The following ASIC2 variants were observed in gnomAD, a reference collection of about 807,000 sequenced individuals.
ASIC2 encodes acid-sensing ion channel 2.
In ASIC2, 25 loss-of-function variants were observed where a neutral mutation model predicts 57.3. The ratio of observed to expected loss-of-function variants is 0.44; its 90% CI spans 0.32 to 0.61. The LOEUF is 0.61. Among genes scored for constraint, ASIC2 ranks in the 20% least tolerant of loss-of-function variants. The pLI is 0.06. For missense variants in ASIC2, 641 were observed against 738.1 expected (o/e 0.87, Z 1.52); for synonymous variants, 319 against 307.5 (o/e 1.04, Z -0.39).
chr17:34,103,030 C>T lies in ASIC2; in HGVS notation c.555+52948G>A, dbSNP rs149180743. On this transcript the variant is annotated intron_variant, in intron 1 of 9. Transcript: ENST00000359872. ...TGTTGAGTTGAAAGAGTTCTTTACA[C>T]ATTCTGAATAGCAGTCTTCTGTCAG... Among the ~76,000 whole-genome samples the T allele has an allele frequency of 3.4e-3, 515 of 152,336 alleles. 1 individual carries two copies. The highest frequency in any genetic ancestry group is 0.02 in the South Asian group (96 of 4,832).
Position 34,128,837 on chromosome 17 carries a change from C to T in ASIC2, c.555+27141G>A, listed in dbSNP as rs193025568. 1.2e-3 allele frequency among the ~76,000 whole-genome samples: 177 copies of T among 152,230 alleles called. 1 individual carries two copies. The highest frequency in any genetic ancestry group is 3.3e-3 in the African/African-American group (136 of 41,518). On this transcript the variant is annotated intron_variant, in intron 1 of 9. Coordinates refer to the ASIC2 transcript ENST00000359872. ...TCTCGGTCTAGCTCAGCTCCAGCTGCACATCAGAGCCTCCTGGGGAGCTTT... is the reference window on the plus strand; with the variant it reads ...TCTCGGTCTAGCTCAGCTCCAGCTGTACATCAGAGCCTCCTGGGGAGCTTT...
At chr17:33,859,761 T>G (rs1914057327) in intron 1 of ASIC2, among the ~76,000 whole-genome samples, 1 of 152,194 alleles carries the variant, frequency 6.6e-6, no homozygotes, top group Non-Finnish European at 1.5e-5. Context: ...GCTCACTGCA[T>G]GCAGTCTTGA....
At chr17:33,852,679 C>T (rs1216070910) in intron 1 of ASIC2, among the ~76,000 whole-genome samples, 9 of 152,158 alleles carry the variant, frequency 5.9e-5, no homozygotes, top group Admixed American at 2.6e-4. Context: ...TTTCCCTACA[C>T]CTTGCTACCT....
intron 3 of ASIC2, among the ~76,000 whole-genome samples, chr17:33,038,586 C>G (rs73984932): frequency 0.018 from 2,682 of 152,284 alleles, 72 homozygotes; most frequent in African/African-American, 0.061. Context: ...CATCCTCCCC[C>G]ACTCTTTCTC....
chr17:33,889,249 A>T lies in ASIC2; in HGVS notation c.555+266729T>A, dbSNP rs1424508216. 2.0e-5 allele frequency among the ~76,000 whole-genome samples: 3 copies of T among 152,126 alleles called. No individual in the cohort carries two copies. In the East Asian group the frequency reaches 5.8e-4, roughly 29 times the overall value. ...GGTTCAACCCCCCCTCGTTTTTCAG[A>T]TGAAGAACCTGCAGCCCAGAGATAG... On this transcript the variant is annotated intron_variant, in intron 1 of 9. Transcript: ENST00000359872.
At chr17:33,611,079 T>G (rs1278492545) in intron 1 of ASIC2, among the ~76,000 whole-genome samples, 1 of 152,192 alleles carries the variant, frequency 6.6e-6, no homozygotes, top group Admixed American at 6.5e-5. Flanking sequence ...AGACTTCAAC[T>G]AATCAGGGAG....
chr17:33,728,496 C>A (rs899307174), intron 1 of ASIC2, among the ~76,000 whole-genome samples: 3 of 152,212 alleles, frequency 2.0e-5, no homozygotes, highest in Non-Finnish European at 4.4e-5. Context: ...TTTTGGACAA[C>A]ATCATTTCCT....
At chr17:33,758,650 TC>T (rs1806179304) in intron 1 of ASIC2, among the ~76,000 whole-genome samples, 2 of 152,096 alleles carry the variant, frequency 1.3e-5, no homozygotes, top group South Asian at 4.1e-4. Flanking sequence ...CCATGGGTTA[TC>T]ATGGAGGGGG....
intron 1 of ASIC2, among the ~76,000 whole-genome samples, chr17:34,088,623 G>A (rs1240627097): frequency 1.4e-4 from 22 of 152,244 alleles, no homozygotes; most frequent in African/African-American, 2.4e-5. Context: ...TTGTTTGTCT[G>A]TGCCCTGTCC....
At chr17:33,082,692 C>CT (rs1192479140) in intron 3 of ASIC2, among the ~76,000 whole-genome samples, 2 of 143,244 alleles carry the variant, frequency 1.4e-5, no homozygotes, top group African/African-American at 5.2e-5. Flanking sequence ...GAGTGAGACT[C>CT]TGTCTCCAAA....
intron 1 of ASIC2, among the ~76,000 whole-genome samples, chr17:34,088,698 A>G (rs1184074607): frequency 6.6e-6 from 1 of 152,222 alleles, no homozygotes; most frequent in Admixed American, 6.5e-5. Context: ...ACCCAGTTCA[A>G]GCTTCCCGGC....
intron 1 of ASIC2, among the ~76,000 whole-genome samples, chr17:33,173,660 C>T (rs938516774): frequency 6.6e-6 from 1 of 152,186 alleles, no homozygotes; most frequent in African/African-American, 2.4e-5. Context: ...CGGCTTTGAC[C>T]AGACAGGTCT....
At chr17:33,945,480 T>A (rs1904347235) in intron 1 of ASIC2, among the ~76,000 whole-genome samples, 1 of 151,952 alleles carries the variant, frequency 6.6e-6, no homozygotes, top group East Asian at 1.9e-4. Flanking sequence ...ATACAAAGGA[T>A]AAGAGAAATA....
intron 3 of ASIC2, among the ~76,000 whole-genome samples, chr17:33,046,214 TG>T: frequency 6.6e-6 from 1 of 152,140 alleles, no homozygotes; most frequent in African/African-American, 2.4e-5. Flanking sequence ...GGCAGGGGAT[TG>T]GGGTGGGGTC....
intron 3 of ASIC2, among the ~76,000 whole-genome samples, chr17:33,054,213 T>C (rs1356180552): frequency 6.6e-6 from 1 of 152,176 alleles, no homozygotes; most frequent in African/African-American, 2.4e-5. Flanking sequence ...ATTTATTGCC[T>C]GACATGCCCA....
intron 1 of ASIC2, among the ~76,000 whole-genome samples, chr17:33,855,276 A>G (rs1382391321): frequency 1.3e-5 from 2 of 152,172 alleles, no homozygotes; most frequent in Non-Finnish European, 2.9e-5. Flanking sequence ...TGCCCCCTCA[A>G]CTGGGTCTGT....
chr17:33,400,201 G>A (rs1403308618), intron 1 of ASIC2, among the ~76,000 whole-genome samples: 1 of 152,248 alleles, frequency 6.6e-6, no homozygotes, highest in Non-Finnish European at 1.5e-5. Flanking sequence ...GGACCTGTGA[G>A]ATGGGGGACA....
chr17:33,833,461 C>T (rs774520705), intron 1 of ASIC2, among the ~76,000 whole-genome samples: 20 of 152,100 alleles, frequency 1.3e-4, no homozygotes, highest in East Asian at 1.9e-4. Flanking sequence ...AGATAGTATA[C>T]GCTGTTTTAA....
chr17:33,929,780 T>G (rs758184559), intron 1 of ASIC2, among the ~76,000 whole-genome samples: 1 of 152,188 alleles, frequency 6.6e-6, no homozygotes, highest in African/African-American at 2.4e-5. Context: ...TTAGCCAAAA[T>G]AGCCTAAGCT....
Sources: allele counts gnomAD v4.1 joint callset (sites outside exome capture counted in the v4.1 genomes callset), GRCh38; gene constraint gnomAD v4.1.1; transcripts MANE v1.5; gene names NCBI Gene and HGNC (gene_info 2026-07-23, HGNC 2026-07-21).